Variants in PLA2G4E observed in about 807,000 individuals in gnomAD.
PLA2G4E encodes the protein cytosolic phospholipase A2 epsilon.
PLA2G4E carries 84 observed loss-of-function variants against 109.1 expected under a neutral mutation model. The ratio of observed to expected loss-of-function variants is 0.77; its 90% confidence interval spans 0.65 to 0.92. PLA2G4E has a LOEUF of 0.92. Ranked by LOEUF, PLA2G4E falls within the 40% of genes least tolerant of loss-of-function variation. The pLI is 0.00. For missense variants in PLA2G4E, 1,057 were observed against 1,076.6 expected (o/e 0.98, Z 0.25); for synonymous variants, 469 against 436.1 (o/e 1.08, Z -0.94).
chr15:42,042,777 G>A (rs1250270501), intron 1 of PLA2G4E, among the ~76,000 whole-genome samples: 2 of 152,160 alleles, frequency 1.3e-5, no homozygotes, highest in South Asian at 2.1e-4. Flanking sequence ...TTTGCCTTGG[G>A]TGAAACATCC....
exon 2 of PLA2G4E, chr15:42,013,723 C>G: frequency 1.3e-6 from 2 of 1,550,644 alleles, no homozygotes; most frequent in Non-Finnish European, 1.7e-6. Context: ...CCGGATGACC[C>G]TCACTGTCAA....
chr15:42,003,352 G>A (rs2068440264), intron 5 of PLA2G4E, among the ~76,000 whole-genome samples: 1 of 152,204 alleles, frequency 6.6e-6, no homozygotes, highest in Non-Finnish European at 1.5e-5. Context: ...TCCACCTCCT[G>A]GGTTCAAGTG....
Position 42,000,338 on chromosome 15 carries a change from ACTTGGTCCAGC to A in PLA2G4E, c.674-67_674-57del. The A allele has an allele frequency of 6.1e-6, 9 of 1,474,430 alleles. No individual in the cohort carries two copies. The Admixed American group carries it at 1.1e-4, about 18-fold the overall frequency. 91.3% of individuals were successfully genotyped at this position (1,474,430 alleles called of 1,614,324 possible). A position where few individuals can be genotyped will look rare whatever the true frequency, so the allele number is the denominator to read the frequency against. On this transcript the variant is annotated intron_variant, in intron 7 of 19. Coordinates refer to ENST00000399518, the Ensembl canonical transcript of PLA2G4E. ...GGGAGCCTCTCACTACCCACCTGCA[ACTTGGTCCAGC>A]AAAAAACCTATTTGGAGGTATCCAG... is the stretch of plus-strand genomic sequence containing the variant.
At chr15:42,030,219 T>C (rs1017415120) in intron 1 of PLA2G4E, among the ~76,000 whole-genome samples, 11 of 152,152 alleles carry the variant, frequency 7.2e-5, no homozygotes, top group African/African-American at 2.7e-4. Flanking sequence ...GTGGAACTCA[T>C]GGCAGGTTTT....
intron 3 of PLA2G4E, among the ~76,000 whole-genome samples, chr15:42,006,735 T>C (rs1348320705): frequency 6.6e-6 from 1 of 152,154 alleles, no homozygotes; most frequent in Non-Finnish European, 1.5e-5. Context: ...CATGGACTAA[T>C]CTCTGAGGCC....
chr15:41,994,983 C>A (rs2068313913), intron 12 of PLA2G4E, among the ~76,000 whole-genome samples: 1 of 152,248 alleles, frequency 6.6e-6, no homozygotes, highest in Non-Finnish European at 1.5e-5. Flanking sequence ...GGGAGCTCAG[C>A]TGCAGGGCCC....
chr15:42,012,532 G>A (rs1246897682), intron 2 of PLA2G4E, among the ~76,000 whole-genome samples: 1 of 152,186 alleles, frequency 6.6e-6, no homozygotes, highest in Non-Finnish European at 1.5e-5. Flanking sequence ...CTCAGGGGGT[G>A]TGGCTCCCCT....
At chr15:41,982,167 A>T (rs1485712347) in exon 20 of PLA2G4E, 1 of 152,088 alleles carries the variant, frequency 6.6e-6, no homozygotes. Flanking sequence ...CTGCTTAGGG[A>T]GCATGGTGGC....
intron 1 of PLA2G4E, among the ~76,000 whole-genome samples, chr15:42,020,108 C>T (rs1402017022): frequency 6.6e-6 from 1 of 152,352 alleles, no homozygotes; most frequent in South Asian, 2.1e-4. Context: ...TTGGCCACCA[C>T]CCACCACGGA....
intron 1 of PLA2G4E, among the ~76,000 whole-genome samples, chr15:42,040,260 A>G (rs1889293830): frequency 6.6e-6 from 1 of 152,196 alleles, no homozygotes; most frequent in Non-Finnish European, 1.5e-5. Flanking sequence ...GCATCCAGAG[A>G]CAAATCCAAG....
intron 12 of PLA2G4E, among the ~76,000 whole-genome samples, chr15:41,994,982 GC>G (rs2068313960): frequency 6.6e-6 from 1 of 152,240 alleles, no homozygotes; most frequent in Non-Finnish European, 1.5e-5. Context: ...AGGGAGCTCA[GC>G]TGCAGGGCCC....
intron 2 of PLA2G4E, chr15:42,008,885 G>A (rs1423167134): frequency 1.3e-5 from 2 of 152,258 alleles, no homozygotes; most frequent in Admixed American, 6.5e-5. Context: ...TACACTGGTA[G>A]GACTGATTCA....
chr15:42,004,615 T>C (rs548291918), intron 5 of PLA2G4E, among the ~76,000 whole-genome samples: 90 of 152,278 alleles, frequency 5.9e-4, no homozygotes, highest in African/African-American at 1.9e-3. Context: ...AAGGCCCCCA[T>C]CGCCATGGTG....
chr15:41,981,763 G>A (rs1426802710), exon 20 of PLA2G4E: 2 of 152,278 alleles, frequency 1.3e-5, no homozygotes, highest in Non-Finnish European at 2.9e-5. Flanking sequence ...AGAAAGAAAA[G>A]ATGTCAAAGT....
intron 6 of PLA2G4E, 54 bp from the exon 7 acceptor site, chr15:42,001,274 C>G: frequency 6.7e-7 from 1 of 1,497,236 alleles, no homozygotes; most frequent in Non-Finnish European, 9.3e-7. Flanking sequence ...CACCTCCTTG[C>G]TCTTCCAGGC....
chr15:42,035,114 G>A (rs1889184993), intron 1 of PLA2G4E, among the ~76,000 whole-genome samples: 1 of 152,216 alleles, frequency 6.6e-6, no homozygotes, highest in South Asian at 2.1e-4. Context: ...TACGGTGGGA[G>A]GCACATGTCT....
At chr15:41,996,106 G>T (rs1044452008) in intron 11 of PLA2G4E, among the ~76,000 whole-genome samples, 15 of 152,096 alleles carry the variant, frequency 9.9e-5, no homozygotes, top group African/African-American at 3.6e-4. Context: ...CAGCACTTTG[G>T]GGGGCCGAGG....
chr15:42,007,197 T>C (rs759708715), intron 3 of PLA2G4E, among the ~76,000 whole-genome samples: 173 of 152,210 alleles, frequency 1.1e-3, no homozygotes, highest in Non-Finnish European at 2.0e-3. Context: ...CAACTCAGGA[T>C]GCTCAAAGGA....
intron 2 of PLA2G4E, chr15:42,010,142 C>CCCCCCCCCCCCCCCCCCCCG: frequency 4.4e-6 from 2 of 454,246 alleles, no homozygotes; most frequent in Non-Finnish European, 8.9e-6. Flanking sequence ...GCCCCCCCAC[C>CCCCCCCCCCCCCCCCCCCCG]CCGGGCCTGG....
Sources: gnomAD v4.1 joint callset for allele counts (sites outside exome capture counted in the v4.1 genomes callset) on GRCh38, gnomAD v4.1.1 for gene constraint, MANE v1.5 for transcripts, NCBI Gene and HGNC (gene_info 2026-07-23, HGNC 2026-07-21) for gene names.